DOCK3: variants seen among roughly 807,000 people sequenced by gnomAD.
DOCK3 encodes the protein dedicator of cytokinesis protein 3.
DOCK3 carries 60 observed loss-of-function variants against 265.6 expected under a neutral mutation model. The observed-to-expected ratio is 0.23, with a 90% CI of 0.18 to 0.28. DOCK3 has a LOEUF of 0.28. Ranked by LOEUF, DOCK3 falls within the 10% of genes least tolerant of loss-of-function variation. The probability of loss-of-function intolerance (pLI) is 1.00; values close to 1 mark genes in which losing one functional copy is unlikely to be tolerated. For synonymous variants in DOCK3, 881 were observed against 938.0 expected (o/e 0.94, Z 1.11); for missense variants, 1,981 against 2,594.3 (o/e 0.76, Z 5.14).
At chr3:51,120,683 G>A (rs2083971536) in intron 9 of DOCK3, among the ~76,000 whole-genome samples, 1 of 152,192 alleles carries the variant, frequency 6.6e-6, no homozygotes, top group Admixed American at 6.5e-5. Flanking sequence ...GGAATCTAGA[G>A]AGGCAGTCTG....
rs115826482 is a variant in DOCK3 at position 51,207,218 on chromosome 3, G to C, written c.1038-1556G>C. Among the ~76,000 whole-genome samples the C allele has an allele frequency of 5.1e-3, 783 of 152,252 alleles. 2 individuals are homozygous for C. Among genetic ancestry groups the C allele is most frequent in the African/African-American group, 0.018 (749 of 41,540 alleles). On this transcript the variant is annotated intron_variant, in intron 12 of 52. Transcript: ENST00000266037. ...GCAGGAACAGGCTGTCAGTTGTCTAGCAAATGAATTGTATGTGTTGGGTGG... is the reference window on the plus strand; with the variant it reads ...GCAGGAACAGGCTGTCAGTTGTCTACCAAATGAATTGTATGTGTTGGGTGG...
intron 1 of DOCK3, among the ~76,000 whole-genome samples, chr3:50,748,854 A>G (rs1359179432): frequency 6.6e-6 from 1 of 152,202 alleles, no homozygotes; most frequent in East Asian, 1.9e-4. Flanking sequence ...TGGTTTACAT[A>G]CTGAGTTATT....
intron 5 of DOCK3, among the ~76,000 whole-genome samples, chr3:51,054,475 A>T (rs987354035): frequency 2.0e-5 from 3 of 152,218 alleles, no homozygotes; most frequent in Non-Finnish European, 4.4e-5. Context: ...CTGGCTAATC[A>T]GCCAATTCTT....
At chr3:51,209,721 G>A (rs2089404589) in intron 13 of DOCK3, among the ~76,000 whole-genome samples, 1 of 152,198 alleles carries the variant, frequency 6.6e-6, no homozygotes, top group Non-Finnish European at 1.5e-5. Flanking sequence ...AGTAGTACAT[G>A]TTGTAGAAAA....
intron 5 of DOCK3, among the ~76,000 whole-genome samples, chr3:51,046,835 A>G (rs554474553): frequency 1.3e-5 from 2 of 152,326 alleles, no homozygotes; most frequent in African/African-American, 4.8e-5. Flanking sequence ...AAGTCTTAAC[A>G]CACTTAAGAA....
chr3:51,131,463 C>T (rs1447637876), intron 9 of DOCK3, among the ~76,000 whole-genome samples: 1 of 152,104 alleles, frequency 6.6e-6, no homozygotes, highest in Non-Finnish European at 1.5e-5. Flanking sequence ...TAGGGTCCTT[C>T]TTTGGGGGTA....
At chr3:50,682,455 A>G (rs1022663099) in intron 1 of DOCK3, among the ~76,000 whole-genome samples, 6 of 152,018 alleles carry the variant, frequency 3.9e-5, no homozygotes, top group Non-Finnish European at 8.8e-5. Flanking sequence ...CTTCTCTCAT[A>G]TATTGTTATC....
intron 3 of DOCK3, among the ~76,000 whole-genome samples, chr3:50,850,351 C>T (rs889932391): frequency 2.7e-5 from 4 of 147,488 alleles, no homozygotes; most frequent in Non-Finnish European, 5.9e-5. Context: ...CAGAGTGAGA[C>T]TCCATCTCAA....
At chr3:51,086,533 C>T (rs550587717) in intron 7 of DOCK3, among the ~76,000 whole-genome samples, 1 of 152,214 alleles carries the variant, frequency 6.6e-6, no homozygotes, top group Non-Finnish European at 1.5e-5. Flanking sequence ...CATGGTGGCT[C>T]ACTCCTGGAG....
chr3:51,293,421 C>T (rs1199122450), intron 27 of DOCK3, among the ~76,000 whole-genome samples: 2 of 152,012 alleles, frequency 1.3e-5, no homozygotes, highest in Non-Finnish European at 2.9e-5. Context: ...ATTGGATAAA[C>T]CATATACAGA....
chr3:50,805,134 G>T (rs186897978), intron 2 of DOCK3, among the ~76,000 whole-genome samples: 1 of 152,044 alleles, frequency 6.6e-6, no homozygotes, highest in East Asian at 1.9e-4. Flanking sequence ...TGGAAAAGTC[G>T]CCTCTTCCAA....
chr3:51,036,131 C>T (rs2080252957), intron 5 of DOCK3, among the ~76,000 whole-genome samples: 2 of 152,156 alleles, frequency 1.3e-5, no homozygotes, highest in African/African-American at 4.8e-5. Context: ...TCCATACTCC[C>T]TTCCAAAATC....
At chr3:51,257,312 C>T (rs1432001795) in intron 22 of DOCK3, among the ~76,000 whole-genome samples, 1 of 152,154 alleles carries the variant, frequency 6.6e-6, no homozygotes, top group African/African-American at 2.4e-5. Context: ...TGCTCCTGGC[C>T]TGATACTTCT....
chr3:50,731,942 A>C (rs72943636), intron 1 of DOCK3, among the ~76,000 whole-genome samples: 1 of 152,312 alleles, frequency 6.6e-6, no homozygotes, highest in African/African-American at 2.4e-5. Context: ...GCAGGCGATC[A>C]TGATTATGTT....
At chr3:50,879,367 C>A (rs1000306368) in intron 3 of DOCK3, among the ~76,000 whole-genome samples, 1 of 152,176 alleles carries the variant, frequency 6.6e-6, no homozygotes, top group South Asian at 2.1e-4. Flanking sequence ...CATCAGTGTG[C>A]TATATTCAGG....
intron 28 of DOCK3, 82 bp from the exon 29 acceptor site, chr3:51,311,922 A>G: frequency 1.0e-6 from 1 of 980,108 alleles, no homozygotes; most frequent in Non-Finnish European, 1.5e-6. Flanking sequence ...GTTTGCACAC[A>G]GGCTATAGAC....
intron 5 of DOCK3, among the ~76,000 whole-genome samples, chr3:50,936,591 G>C (rs1297628402): frequency 6.6e-6 from 1 of 152,138 alleles, no homozygotes; most frequent in Non-Finnish European, 1.5e-5. Context: ...AGCTGTGTCA[G>C]CAATTTGAGT....
chr3:51,213,786 C>A (rs2089635083), intron 13 of DOCK3, among the ~76,000 whole-genome samples: 2 of 152,250 alleles, frequency 1.3e-5, no homozygotes, highest in East Asian at 1.9e-4. Flanking sequence ...CCTAAATATA[C>A]AACTTATGTA....
chr3:51,204,197 G>A (rs1321812433), intron 12 of DOCK3, among the ~76,000 whole-genome samples: 2 of 146,984 alleles, frequency 1.4e-5, no homozygotes, highest in Non-Finnish European at 1.5e-5. Flanking sequence ...CTTCTGCACA[G>A]CAAAAGAAAC....
Sources: gnomAD v4.1 joint callset for allele counts (sites outside exome capture counted in the v4.1 genomes callset) on GRCh38, gnomAD v4.1.1 for gene constraint, MANE v1.5 for transcripts, NCBI Gene and HGNC (gene_info 2026-07-23, HGNC 2026-07-21) for gene names.